The following LRP2 variants were observed in gnomAD, a reference collection of about 807,000 sequenced individuals.
LRP2 encodes the protein LDL receptor related protein 2.
In LRP2, 172 loss-of-function variants were observed where a neutral mutation model predicts 531.0. That is an observed-to-expected ratio of 0.32 (90% CI 0.29 to 0.37). LRP2 has a LOEUF of 0.37. Ranked by LOEUF, LRP2 falls within the 10% of genes least tolerant of loss-of-function variation. LRP2 has a pLI of 1.00. For missense variants in LRP2, 5,167 were observed against 5,868.3 expected (o/e 0.88, Z 3.90); for synonymous variants, 1,992 against 2,027.6 (o/e 0.98, Z 0.47).
At chr2:169,305,037 G>A (rs1431759763) in intron 4 of LRP2, among the ~76,000 whole-genome samples, 3 of 151,676 alleles carry the variant, frequency 2.0e-5, no homozygotes, top group African/African-American at 4.8e-5. Context: ...ATACAGAGAG[G>A]GGAACGTCAC....
intron 1 of LRP2, among the ~76,000 whole-genome samples, chr2:169,321,969 T>C (rs763038411): frequency 2.6e-5 from 4 of 152,182 alleles, no homozygotes; most frequent in African/African-American, 7.2e-5. Context: ...ATGTGCCACA[T>C]AGAAAAATTT....
Position 169,197,005 on chromosome 2 carries a change from C to T in LRP2, c.8604G>A (p.Glu2868=), listed in dbSNP as rs1271930089. ...TACAGCGCCCAGATGCGCATTGGAA[C>T]TCACTGCTGCTGCACGTGTGAGTGG... ...YCTTHTCSSS[E]FQCASGRCIP... Residue 2868 remains glutamate (E), a synonymous_variant, in exon 46 of 79, where the codon GAG becomes GAA. Coordinates refer to ENST00000649046, the MANE Select transcript of LRP2 (RefSeq NM_004525.3). 11 of 1,613,934 alleles carry T rather than the reference C, an allele frequency of 6.8e-6. No homozygotes were observed. Among genetic ancestry groups the T allele is most frequent in the Non-Finnish European group, 9.3e-6 (11 of 1,180,012 alleles).
At chr2:169,211,580 T>C (rs942910737) in intron 37 of LRP2, among the ~76,000 whole-genome samples, 2 of 152,196 alleles carry the variant, frequency 1.3e-5, no homozygotes, top group Admixed American at 1.3e-4. Flanking sequence ...CACAGTTCTT[T>C]GGAACACCAA....
chr2:169,156,805 T>C (rs948534747), intron 64 of LRP2, among the ~76,000 whole-genome samples: 1 of 152,184 alleles, frequency 6.6e-6, no homozygotes, highest in Non-Finnish European at 1.5e-5. Context: ...TTGATTTAGT[T>C]TTTCAATTGA....
chr2:169,209,968 T>C (rs901128066), intron 37 of LRP2, among the ~76,000 whole-genome samples: 1 of 152,064 alleles, frequency 6.6e-6, no homozygotes. Context: ...AGGTTCTCCC[T>C]GGCCAAAATG....
At chr2:169,276,576 A>C (rs830998) in intron 13 of LRP2, among the ~76,000 whole-genome samples, 121,629 of 152,002 alleles carry the variant, frequency 0.8, 48,806 homozygotes, top group East Asian at 0.93. Context: ...ATATTAATAC[A>C]CAATACTTCA....
At chr2:169,143,599 T>C (rs1053501848) in intron 70 of LRP2, among the ~76,000 whole-genome samples, 3 of 152,086 alleles carry the variant, frequency 2.0e-5, no homozygotes, top group African/African-American at 7.2e-5. Context: ...TGAGCCGAGA[T>C]TGCACCACTG....
At chr2:169,140,618 C>T in intron 71 of LRP2, 73 bp from the exon 72 acceptor site, 1 of 1,189,722 alleles carries the variant, frequency 8.4e-7, no homozygotes, top group Non-Finnish European at 1.2e-6. Flanking sequence ...GCAAACCGGC[C>T]CAGGTTAGGG....
intron 71 of LRP2, among the ~76,000 whole-genome samples, chr2:169,141,935 C>G (rs1685734909): frequency 6.6e-6 from 1 of 152,148 alleles, no homozygotes; most frequent in Non-Finnish European, 1.5e-5. Context: ...AAGGGTGGTT[C>G]CTGGTCTAAC....
At position 169,268,585 on chromosome 2, in the gene LRP2, T is replaced by C. The variant is rs186546637; in HGVS notation, c.2320+2319A>G. ...CTTCATGCTAAATCAATAAACTAGG[T>C]ATTGATGGGATGTATCTCAAAATAA... On this transcript the variant is annotated intron_variant, in intron 16 of 78. Transcript: ENST00000649046. Among the ~76,000 whole-genome samples the C allele has an allele frequency of 2.7e-3, 411 of 152,316 alleles. 7 individuals are homozygous for C. Among genetic ancestry groups the C allele is most frequent in the Non-Finnish European group, 1.5e-3 (100 of 68,036 alleles).
In LRP2 at chr2:169,162,424, G is replaced by C. The variant is rs115425860; in HGVS notation, c.11887+48C>G. ...TTATGTTATTGCATGTTTTAATTAG[G>C]TAAACCTGAGTTACTACAATGAACT... is the stretch of plus-strand genomic sequence containing the variant. On this transcript the variant is annotated intron_variant, in intron 63 of 78. Transcript: ENST00000649046. 1.9e-3 allele frequency: 3,013 copies of C among 1,607,790 alleles called. 47 individuals are homozygous for C. In the African/African-American group the frequency reaches 0.035, roughly 19 times the overall value.
At position 169,165,212 on chromosome 2, in the gene LRP2, T is replaced by C. The variant is rs1488523479; in HGVS notation, c.11758+720A>G. On this transcript the variant is annotated intron_variant, in intron 62 of 78. Transcript: ENST00000649046. ...ATCTTAATTTTCCCAGATAATGTCT[T>C]TTTGGGGAAAAAAATAATTGGAGTC... 3.3e-5 allele frequency among the ~76,000 whole-genome samples: 5 copies of C among 152,170 alleles called. No homozygotes were observed. The East Asian group carries it at 7.7e-4, about 23-fold the overall frequency.
intron 11 of LRP2, 40 bp downstream of exon 11, chr2:169,280,310 G>C: frequency 6.2e-7 from 1 of 1,610,520 alleles, no homozygotes; most frequent in Non-Finnish European, 8.5e-7. Flanking sequence ...TCAACACTTT[G>C]TGCTCAGGGT....
rs1440106678 is a variant in LRP2, at chr2:169,338,423, GAAAAA to G, written c.80-17544_80-17540del. Among the ~76,000 whole-genome samples, 54 of 142,148 alleles carry G rather than the reference GAAAAA, an allele frequency of 3.8e-4. 2 individuals carry two copies. The highest frequency in any genetic ancestry group is 3.7e-3 in the Admixed American group (53 of 14,364). The allele number at this position is 142,148 out of a possible 152,430, so 93.3% of individuals were successfully genotyped here. ...AAGAAAGAAAGAAAAGAAAAGAAAA[GAAAAA>G]AGGAGGAAGACGGAGGGAGGAAAGG... On this transcript the variant is annotated intron_variant, in intron 1 of 78. Coordinates refer to ENST00000649046, the MANE Select transcript of LRP2 (RefSeq NM_004525.3).
At position 169,149,847 on chromosome 2, in the gene LRP2, A is replaced by T. The variant is rs557008223; in HGVS notation, c.12590+1051T>A. Reference sequence around the variant, plus strand: ...CAACACTCCATCTCCAAAAAAATTAAAAAAAAAAAAGAATTTCTATGAAAA... The same window carrying T: ...CAACACTCCATCTCCAAAAAAATTATAAAAAAAAAAGAATTTCTATGAAAA... On this transcript the variant is annotated intron_variant, in intron 68 of 78. Transcript: ENST00000649046. 4.5e-4 allele frequency among the ~76,000 whole-genome samples: 67 copies of T among 149,314 alleles called. 2 individuals are homozygous for T. The Middle Eastern group carries it at 0.021, about 47-fold the overall frequency.
At chr2:169,347,514 C>G (rs1685725147) in intron 1 of LRP2, among the ~76,000 whole-genome samples, 1 of 151,784 alleles carries the variant, frequency 6.6e-6, no homozygotes, top group Admixed American at 6.6e-5. Flanking sequence ...ACTGCTGTCC[C>G]TAACGGAAGG....
chr2:169,296,642 A>G (rs1684141011), intron 4 of LRP2, among the ~76,000 whole-genome samples: 1 of 152,100 alleles, frequency 6.6e-6, no homozygotes, highest in East Asian at 1.9e-4. Flanking sequence ...AGGAAAATTA[A>G]TCTGGGCTTG....
In LRP2 at chr2:169,204,097, G is replaced by T. The variant is rs1281933630; in HGVS notation, c.7890C>A (p.Thr2630=). 3 of 1,614,010 alleles carry T rather than the reference G, an allele frequency of 1.9e-6. No individual in the cohort carries two copies. Among genetic ancestry groups the T allele is most frequent in the African/African-American group, 2.7e-5 (2 of 74,902 alleles). Residue 2630 remains threonine, a synonymous_variant, in exon 42 of 79, where the codon ACC becomes ACA. Transcript: ENST00000649046. The stretch of plus-strand genomic sequence containing the variant: ...CCCTGGGCTGGGAGAGCAAATTTGT[G>T]GTCATTGCAATCTGACCTGACCCGT... ...KYDGSGQIAM[T]TNLLSQPRGI...
rs77679027 is a variant in LRP2, at chr2:169,342,467, C to T, written c.79+19854G>A. On this transcript the variant is annotated intron_variant, in intron 1 of 78. Coordinates refer to ENST00000649046, the MANE Select transcript of LRP2 (RefSeq NM_004525.3). ...TCCTCTAACTTAACTAGTTCATCTG[C>T]TTTCTCTCATTGCAGCAAGTATTCT... Among the ~76,000 whole-genome samples, 5 of 152,144 alleles carry T rather than the reference C, an allele frequency of 3.3e-5. 1 individual carries two copies. Among genetic ancestry groups the T allele is most frequent in the African/African-American group, 1.2e-4 (5 of 41,436 alleles).
Sources: allele counts gnomAD v4.1 joint callset (sites outside exome capture counted in the v4.1 genomes callset), GRCh38; gene constraint gnomAD v4.1.1; transcripts MANE v1.5; gene names NCBI Gene and HGNC (gene_info 2026-07-23, HGNC 2026-07-21).